The following SLIT2 variants were observed in gnomAD, a reference collection of about 807,000 sequenced individuals.
SLIT2 encodes the protein slit guidance ligand 2, also known as slit homolog 2 protein.
In SLIT2, 41 loss-of-function variants were observed where a neutral mutation model predicts 185.7. The observed-to-expected ratio is 0.22, with a 90% confidence interval of 0.17 to 0.29. The LOEUF (loss-of-function observed/expected upper bound fraction) is 0.29. Ranked by LOEUF, SLIT2 falls within the 10% of genes least tolerant of loss-of-function variation. The pLI, the probability that SLIT2 is intolerant of heterozygous loss-of-function variation, is 1.00. For missense variants in SLIT2, 1,571 were observed against 1,909.0 expected, an observed-to-expected ratio of 0.82 and a Z score of 3.30; for synonymous variants, 693 against 680.2, an observed-to-expected ratio of 1.02 and a Z score of -0.29.
intron 34 of SLIT2, among the ~76,000 whole-genome samples, chr4:20,612,699 C>T (rs1381320741): frequency 1.3e-5 from 2 of 152,026 alleles, no homozygotes; most frequent in African/African-American, 2.4e-5. Flanking sequence ...GGGTGGATCA[C>T]GAGGTCAGGA....
At chr4:20,467,128 G>A (rs547177775) in intron 4 of SLIT2, among the ~76,000 whole-genome samples, 71 of 152,240 alleles carry the variant, frequency 4.7e-4, no homozygotes, top group Non-Finnish European at 8.1e-4. Context: ...TGCAAATATA[G>A]ACAGTCTATT....
intron 11 of SLIT2, among the ~76,000 whole-genome samples, chr4:20,517,789 G>A (rs1720345659): frequency 1.3e-5 from 2 of 151,862 alleles, no homozygotes; most frequent in Non-Finnish European, 2.9e-5. Flanking sequence ...TTTCTCTCAC[G>A]TATTCATCTC....
chr4:20,531,971 C>G lies in SLIT2; in HGVS notation c.1614-13C>G, dbSNP rs539232325. 1 of 1,527,590 alleles carries G rather than the reference C, an allele frequency of 6.5e-7. No homozygotes were observed. Among genetic ancestry groups the G allele is most frequent in the East Asian group, 2.3e-5 (1 of 43,440 alleles). The allele number at this position is 1,527,590 out of a possible 1,614,324, so 94.6% of individuals were successfully genotyped here. On this transcript the variant is annotated splice_polypyrimidine_tract_variant and intron_variant, in intron 16 of 36. Transcript: ENST00000504154. ...TGGTAATAAAACTTCTCTATTCCTT[C>G]TTTTTTCTTCAGGCGTCTCAATAAT...
intron 33 of SLIT2, among the ~76,000 whole-genome samples, chr4:20,608,385 G>T (rs932202991): frequency 6.6e-5 from 10 of 152,204 alleles, no homozygotes; most frequent in African/African-American, 1.9e-4. Context: ...TACCCTCTTA[G>T]AAGAGAGTCA....
chr4:20,455,661 C>G (rs1231193699), intron 4 of SLIT2, among the ~76,000 whole-genome samples: 1 of 151,972 alleles, frequency 6.6e-6, no homozygotes, highest in Non-Finnish European at 1.5e-5. Flanking sequence ...AAAGGGAGAA[C>G]TGCTAATGAG....
intron 16 of SLIT2, among the ~76,000 whole-genome samples, chr4:20,531,290 T>C (rs1721785613): frequency 6.6e-6 from 1 of 152,144 alleles, no homozygotes; most frequent in Non-Finnish European, 1.5e-5. Flanking sequence ...TATCATTCAG[T>C]CTTAAAAAAT....
chr4:20,337,902 A>ATGATGC (rs1251392550), intron 4 of SLIT2, among the ~76,000 whole-genome samples: 1 of 152,188 alleles, frequency 6.6e-6, no homozygotes, highest in African/African-American at 2.4e-5. Flanking sequence ...GAAAAAAAAA[A>ATGATGC]TGATGCCACT....
chr4:20,402,990 G>C (rs1393943085), intron 4 of SLIT2, among the ~76,000 whole-genome samples: 6 of 151,524 alleles, frequency 4.0e-5, no homozygotes, highest in Admixed American at 3.3e-4. Flanking sequence ...CATTATAATA[G>C]TGCATTTAAT....
intron 33 of SLIT2, among the ~76,000 whole-genome samples, chr4:20,608,381 C>T (rs1373714999): frequency 1.3e-5 from 2 of 152,122 alleles, no homozygotes; most frequent in African/African-American, 2.4e-5. Context: ...GGCATACCCT[C>T]TTAGAAGAGA....
chr4:20,343,972 G>A lies in SLIT2; in HGVS notation c.395+75091G>A, dbSNP rs370713631. ...TTCAAGCAATTCTCCTGCCTCAGCC[G>A]CTCCAGTAACTGGGACTACAGATGT... On this transcript the variant is annotated intron_variant, in intron 4 of 36. Transcript: ENST00000504154. 4.0e-5 allele frequency among the ~76,000 whole-genome samples: 6 copies of A among 151,768 alleles called. No individual in the cohort carries two copies. In the East Asian group the frequency reaches 5.8e-4, roughly 15 times the overall value.
intron 21 of SLIT2, 35 bp from the exon 22 acceptor site, chr4:20,545,995 CT>C (rs772928393): frequency 8.2e-7 from 1 of 1,226,310 alleles, no homozygotes; most frequent in Non-Finnish European, 1.2e-6. Flanking sequence ...GCCACCATTA[CT>C]TTGTAAGAAG....
At chr4:20,611,867 AG>A (rs1487886526) in intron 34 of SLIT2, among the ~76,000 whole-genome samples, 1 of 152,206 alleles carries the variant, frequency 6.6e-6, no homozygotes, top group East Asian at 1.9e-4. Context: ...ATTATGTAGT[AG>A]ACACCTCATT....
intron 4 of SLIT2, among the ~76,000 whole-genome samples, chr4:20,386,430 T>C (rs1219973215): frequency 6.6e-6 from 1 of 152,220 alleles, no homozygotes; most frequent in African/African-American, 2.4e-5. Context: ...AGTGACACAT[T>C]GTATCTTCTT....
intron 4 of SLIT2, among the ~76,000 whole-genome samples, chr4:20,285,212 G>A (rs1014395208): frequency 2.0e-5 from 3 of 152,222 alleles, no homozygotes; most frequent in African/African-American, 4.8e-5. Flanking sequence ...ATAAGAGGGC[G>A]AGATCATGGG....
rs189703188 is a variant in SLIT2, at chr4:20,383,663, C to T, written c.396-84089C>T. Among the ~76,000 whole-genome samples the T allele has an allele frequency of 3.9e-5, 6 of 152,172 alleles. No individual in the cohort carries two copies. The East Asian group carries it at 9.7e-4, about 24-fold the overall frequency. ...ATATTGGAAGACATTTCAGCAGTGT[C>T]TTATAAAATGAAACATATACTTCCT... On this transcript the variant is annotated intron_variant, in intron 4 of 36. Coordinates refer to ENST00000504154, the MANE Select transcript of SLIT2 (RefSeq NM_004787.4).
intron 4 of SLIT2, among the ~76,000 whole-genome samples, chr4:20,448,722 C>G (rs112952386): frequency 2.0e-5 from 3 of 152,086 alleles, no homozygotes; most frequent in Non-Finnish European, 4.4e-5. Context: ...ACTGCAACCT[C>G]CACCTCCCAA....
intron 4 of SLIT2, among the ~76,000 whole-genome samples, chr4:20,276,804 G>C (rs1714213740): frequency 6.6e-6 from 1 of 152,134 alleles, no homozygotes; most frequent in African/African-American, 2.4e-5. Context: ...TTAAAGTTCT[G>C]TTTGTTCTAT....
rs182023855 is a variant in SLIT2 at position 20,533,858 on chromosome 4, A to G, written c.1832+143A>G. 1.5e-3 allele frequency: 1,015 copies of G among 676,890 alleles called. 2 individuals carry two copies. The highest frequency in any genetic ancestry group is 2.2e-3 in the Non-Finnish European group (830 of 383,476). 41.9% of individuals were successfully genotyped at this position (676,890 alleles called of 1,614,324 possible). On this transcript the variant is annotated intron_variant, in intron 18 of 36. Transcript: ENST00000504154. ...CACATTCTCTGTTACACACACATAC[A>G]CACCGCTACACACACACACATGTAT... is the stretch of plus-strand genomic sequence containing the variant.
chr4:20,403,802 A>T (rs550327415), intron 4 of SLIT2, among the ~76,000 whole-genome samples: 38 of 151,836 alleles, frequency 2.5e-4, no homozygotes, highest in Middle Eastern at 6.8e-3. Context: ...CTTACATAAA[A>T]TTTTAATTTG....
Sources: gnomAD v4.1 joint callset for allele counts (sites outside exome capture counted in the v4.1 genomes callset) on GRCh38, gnomAD v4.1.1 for gene constraint, MANE v1.5 for transcripts, NCBI Gene and HGNC (gene_info 2026-07-23, HGNC 2026-07-21) for gene names.